Variants in TNPO3 observed in about 807,000 individuals in gnomAD.
TNPO3 encodes transportin-3.
In TNPO3, 65 loss-of-function variants were observed where a neutral mutation model predicts 122.8. The ratio of observed to expected loss-of-function variants is 0.53; its 90% CI spans 0.43 to 0.65. The LOEUF is 0.65. Among genes scored for constraint, TNPO3 ranks in the 30% least tolerant of loss-of-function variants. The pLI is 0.00. For synonymous variants in TNPO3, 372 were observed against 411.2 expected (o/e 0.90, Z 1.15); for missense variants, 850 against 1,136.7 (o/e 0.75, Z 3.63).
At chr7:128,993,952 A>C (rs2091632103) in intron 8 of TNPO3, 38 bp from the exon 9 acceptor site, 2 of 1,562,366 alleles carry the variant, frequency 1.3e-6, no homozygotes, top group Non-Finnish European at 1.8e-6. Context: ...CTTTAAACTC[A>C]CTGCGGCTTT....
chr7:129,044,140 TA>T (rs1192114800), intron 1 of TNPO3, among the ~76,000 whole-genome samples: 2 of 152,248 alleles, frequency 1.3e-5, no homozygotes, highest in African/African-American at 4.8e-5. Flanking sequence ...AAAGCATGTA[TA>T]TTTTCTTGAA....
At chr7:129,031,513 G>C (rs1029559176) in intron 1 of TNPO3, among the ~76,000 whole-genome samples, 42 of 152,076 alleles carry the variant, frequency 2.8e-4, no homozygotes, top group African/African-American at 9.4e-4. Flanking sequence ...CAGAAAATCT[G>C]AACAGACCTA....
At chr7:128,958,386 G>A (rs182717814) in intron 21 of TNPO3, among the ~76,000 whole-genome samples, 3,084 of 151,980 alleles carry the variant, frequency 0.02, 48 homozygotes, top group Middle Eastern at 0.045. Context: ...CTTGTGATCC[G>A]CCCGCCTCGG....
intron 1 of TNPO3, among the ~76,000 whole-genome samples, chr7:129,042,865 CAAAA>C (rs11286292): frequency 3.0e-5 from 4 of 133,384 alleles, no homozygotes; most frequent in Non-Finnish European, 1.6e-5. Flanking sequence ...TCCCATCCTC[CAAAA>C]AAAAAAAAAA....
chr7:129,000,534 T>C lies in TNPO3; in HGVS notation c.906A>G (p.Leu302=), dbSNP rs141881594. ...VLNYCRIFTE[L]CETFLEKIVC... The stretch of plus-strand genomic sequence containing the variant: ...CAATTTTTTCAAGAAAAGTTTCACA[T>C]AGTTCAGTGAAAATACGGCAGTAAT... Residue 302 remains leucine (L), a synonymous_variant, in exon 7 of 23, where the codon CTA becomes CTG. Coordinates refer to ENST00000265388, the MANE Select transcript of TNPO3 (RefSeq NM_012470.4). The C allele has an allele frequency of 1.4e-4, 228 of 1,613,966 alleles. No homozygotes were observed. In the South Asian group the frequency reaches 1.8e-3, roughly 13 times the overall value.
chr7:129,012,233 T>C (rs929936699), intron 4 of TNPO3, among the ~76,000 whole-genome samples: 1 of 151,972 alleles, frequency 6.6e-6, no homozygotes, highest in African/African-American at 2.4e-5. Context: ...CTCAAACTCC[T>C]GACCTCAAGT....
intron 21 of TNPO3, among the ~76,000 whole-genome samples, chr7:128,966,579 T>C (rs143947016): frequency 3.9e-4 from 59 of 152,278 alleles, no homozygotes; most frequent in Middle Eastern, 3.4e-3. Flanking sequence ...ACATTATCTG[T>C]AATACTAAAA....
rs151139833 is a variant in TNPO3 at position 129,009,578 on chromosome 7, A to T, written c.553-4419T>A. Among the ~76,000 whole-genome samples the T allele has an allele frequency of 1.2e-4, 19 of 152,320 alleles. No homozygotes were observed. The East Asian group carries it at 2.5e-3, about 20-fold the overall frequency. On this transcript the variant is annotated intron_variant, in intron 4 of 22. Coordinates refer to ENST00000265388, the MANE Select transcript of TNPO3 (RefSeq NM_012470.4). ...ATATCACCTGTGATTGATTGTCATG[A>T]TGTGCTAAGTCAGGCACGTGCCTTG...
At chr7:129,028,694 CTCTGGCTCAGACAGCAGCA>C (rs1160916967) in intron 1 of TNPO3, among the ~76,000 whole-genome samples, 4 of 152,186 alleles carry the variant, frequency 2.6e-5, no homozygotes, top group African/African-American at 9.7e-5. Flanking sequence ...GGTCCTGTAG[CTCTGGCTCAGACAGCAGCA>C]TCTTCACTCT....
chr7:129,008,145 T>C (rs1802784067), intron 4 of TNPO3, among the ~76,000 whole-genome samples: 1 of 149,598 alleles, frequency 6.7e-6, no homozygotes, highest in South Asian at 2.1e-4. Context: ...CAAGACTCTG[T>C]CTAAAAAAAA....
intron 21 of TNPO3, among the ~76,000 whole-genome samples, chr7:128,959,983 C>T (rs1003779920): frequency 2.6e-5 from 4 of 151,994 alleles, no homozygotes; most frequent in African/African-American, 4.8e-5. Flanking sequence ...ATCACACCAC[C>T]GCACTTCAGC....
rs983345752 is a variant in TNPO3, at chr7:128,997,457, T to G, written c.1090A>C (p.Ile364Leu). ...AGCCTCTGAATGTAAGCTTTGAAGA[T>G]GCCATGAATAACTTCATCGTTAGTT... ...YKTNDEVIHG[I>L]FKAYIQRLLH... The change falls in exon 8 of 23, where the codon ATC (isoleucine) becomes CTC (leucine). Residue 364 changes from isoleucine (I) to leucine (L), a missense_variant. Physicochemically the swap from Ile to Leu is conservative, Grantham distance 5 (BLOSUM62 2). Coordinates refer to ENST00000265388, the MANE Select transcript of TNPO3 (RefSeq NM_012470.4). 45 of 1,614,086 alleles carry G rather than the reference T, an allele frequency of 2.8e-5. No homozygotes were observed. The highest frequency in any genetic ancestry group is 3.3e-5 in the Non-Finnish European group (39 of 1,180,022).
At position 129,005,275 on chromosome 7, in the gene TNPO3, A is replaced by G. The variant is rs1495462; in HGVS notation, c.553-116T>C. 2.4e-3 allele frequency: 2,475 copies of G among 1,026,274 alleles called. 30 individuals carry two copies. In the African/African-American group the frequency reaches 0.035, roughly 15 times the overall value. 63.6% of individuals were successfully genotyped at this position (1,026,274 alleles called of 1,614,324 possible). On this transcript the variant is annotated intron_variant, in intron 4 of 22. Coordinates refer to ENST00000265388, the MANE Select transcript of TNPO3 (RefSeq NM_012470.4). ...GATGGCAATAAAACAGCCAACGGTT[A>G]AAAGTGCTTTTTAAGTTTAAGTGTC...
At chr7:128,978,842 G>A in intron 16 of TNPO3, 141 bp downstream of exon 16, 1 of 896,558 alleles carries the variant, frequency 1.1e-6, no homozygotes, top group South Asian at 1.6e-5. Context: ...ATGTTGGCCA[G>A]GCTGGTCTTG....
intron 21 of TNPO3, among the ~76,000 whole-genome samples, chr7:128,965,141 G>A (rs1014636686): frequency 1.3e-5 from 2 of 152,190 alleles, no homozygotes; most frequent in Non-Finnish European, 2.9e-5. Context: ...TCAACAGAAT[G>A]AAAAGGCAAC....
chr7:129,009,571 T>A (rs530402303), intron 4 of TNPO3, among the ~76,000 whole-genome samples: 1 of 152,342 alleles, frequency 6.6e-6, no homozygotes, highest in South Asian at 2.1e-4. Context: ...TGTGATTGAT[T>A]GTCATGATGT....
chr7:129,008,744 C>T (rs1000961039), intron 4 of TNPO3, among the ~76,000 whole-genome samples: 1 of 152,156 alleles, frequency 6.6e-6, no homozygotes, highest in African/African-American at 2.4e-5. Context: ...TTCTCTCTCC[C>T]CCTCAACCTG....
At chr7:129,036,996 T>C (rs1806763013) in intron 1 of TNPO3, among the ~76,000 whole-genome samples, 1 of 152,210 alleles carries the variant, frequency 6.6e-6, no homozygotes, top group South Asian at 2.1e-4. Context: ...GCAAGTGACA[T>C]GTGGGACACA....
chr7:129,024,012 T>C (rs538641952), intron 1 of TNPO3, among the ~76,000 whole-genome samples: 2 of 152,306 alleles, frequency 1.3e-5, no homozygotes, highest in East Asian at 3.9e-4. Context: ...GCGAATATAA[T>C]GCTAATCCTA....
Sources: allele counts gnomAD v4.1 joint callset (sites outside exome capture counted in the v4.1 genomes callset), GRCh38; gene constraint gnomAD v4.1.1; transcripts MANE v1.5; gene names NCBI Gene and HGNC (gene_info 2026-07-23, HGNC 2026-07-21).